The following NEDD9 variants were observed in gnomAD, a reference collection of about 807,000 sequenced individuals.
The protein encoded by NEDD9 is neural precursor cell expressed, developmentally down-regulated 9.
Under a neutral mutation model 76.6 loss-of-function variants are expected in NEDD9, and 26 were observed. The ratio of observed to expected loss-of-function variants is 0.34; its 90% CI spans 0.25 to 0.47. The LOEUF is 0.47. Among genes scored for constraint, NEDD9 ranks in the 20% least tolerant of loss-of-function variants. The probability of loss-of-function intolerance (pLI) is 1.00; values close to 1 mark genes in which losing one functional copy is unlikely to be tolerated. For synonymous variants in NEDD9, 392 were observed against 414.2 expected, an observed-to-expected ratio of 0.95 and a Z score of 0.65; for missense variants, 937 against 1,058.5, an observed-to-expected ratio of 0.89 and a Z score of 1.59.
chr6:11,301,341 A>G (rs1400858887), intron 3 of NEDD9, among the ~76,000 whole-genome samples: 1 of 152,230 alleles, frequency 6.6e-6, no homozygotes, highest in Admixed American at 6.5e-5. Context: ...TATGCACCCA[A>G]TACAGGAGCA....
intron 3 of NEDD9, among the ~76,000 whole-genome samples, chr6:11,276,933 C>T (rs1028721045): frequency 1.4e-5 from 2 of 146,060 alleles, no homozygotes; most frequent in Non-Finnish European, 3.0e-5. Context: ...TCTTTGGTTA[C>T]AGGATCTGGA....
intron 3 of NEDD9, among the ~76,000 whole-genome samples, chr6:11,280,069 C>A (rs1197758448): frequency 1.3e-5 from 2 of 152,146 alleles, no homozygotes; most frequent in South Asian, 4.1e-4. Context: ...CTGCCTTGTG[C>A]ATTATAGGAT....
At chr6:11,308,639 G>A (rs902685114) in intron 2 of NEDD9, among the ~76,000 whole-genome samples, 2 of 152,010 alleles carry the variant, frequency 1.3e-5, no homozygotes, top group African/African-American at 4.8e-5. Flanking sequence ...AAAGTGCTGG[G>A]ATTACAGGCG....
intron 1 of NEDD9, among the ~76,000 whole-genome samples, chr6:11,218,913 A>G (rs1759055719): frequency 6.6e-6 from 1 of 152,190 alleles, no homozygotes; most frequent in South Asian, 2.1e-4. Context: ...GCAACTACGG[A>G]GCAAACAGGA....
At chr6:11,308,450 A>G (rs1174436765) in intron 2 of NEDD9, among the ~76,000 whole-genome samples, 2 of 146,782 alleles carry the variant, frequency 1.4e-5, no homozygotes, top group Non-Finnish European at 3.0e-5. Context: ...GCTCACTGCA[A>G]GCTCCGCCTC....
intron 3 of NEDD9, among the ~76,000 whole-genome samples, chr6:11,238,535 C>A (rs1486326495): frequency 2.6e-5 from 4 of 152,212 alleles, no homozygotes; most frequent in African/African-American, 9.7e-5. Context: ...AATGCACACA[C>A]CCCTTACTCA....
chr6:11,362,178 C>G (rs1485364388), intron 1 of NEDD9, among the ~76,000 whole-genome samples: 2 of 152,230 alleles, frequency 1.3e-5, no homozygotes, highest in African/African-American at 4.8e-5. Context: ...AGAGAGCTCT[C>G]TACCTCTTTT....
At chr6:11,210,684 T>C (rs1324418484) in intron 2 of NEDD9, among the ~76,000 whole-genome samples, 1 of 139,064 alleles carries the variant, frequency 7.2e-6, no homozygotes, top group Non-Finnish European at 1.5e-5. Flanking sequence ...TAAAATCACC[T>C]CCTAGCAGCT....
chr6:11,375,847 C>T lies in NEDD9; in HGVS notation c.-214+6292G>A, dbSNP rs551013509. On this transcript the variant is annotated intron_variant, in intron 1 of 3. Transcript: ENST00000397378. ...TCTTTTTTCTTTCTTTTTTTTGAGA[C>T]GGAGTCTCACTCTATCACTCAGGCT... 2.1e-3 allele frequency among the ~76,000 whole-genome samples: 320 copies of T among 152,134 alleles called. 1 individual carries two copies. The highest frequency in any genetic ancestry group is 7.1e-3 in the African/African-American group (295 of 41,516).
At chr6:11,320,595 C>T (rs574670190) in intron 2 of NEDD9, among the ~76,000 whole-genome samples, 3 of 152,310 alleles carry the variant, frequency 2.0e-5, no homozygotes, top group Admixed American at 1.3e-4. Context: ...TGCAGGGCTA[C>T]GTGCTACAAC....
At position 11,201,167 on chromosome 6, in the gene NEDD9, G is replaced by T; in HGVS notation, c.460-7475C>A. The T allele has an allele frequency of 2.6e-6, 3 of 1,134,812 alleles. No homozygotes were observed. The South Asian group carries it at 3.9e-5, about 15-fold the overall frequency. The allele number at this position is 1,134,812 out of a possible 1,614,324, so 70.3% of individuals were successfully genotyped here. ...TGGGCATCCACTTCACCTCCTTAATGCAGAGCTGGCTAGGTGCCTGGGATG... is the reference window on the plus strand; with the variant it reads ...TGGGCATCCACTTCACCTCCTTAATTCAGAGCTGGCTAGGTGCCTGGGATG... On this transcript the variant is annotated intron_variant, in intron 2 of 6. Coordinates refer to ENST00000379446, the MANE Select transcript of NEDD9 (RefSeq NM_006403.4).
intron 3 of NEDD9, among the ~76,000 whole-genome samples, chr6:11,281,235 C>T (rs899434364): frequency 6.6e-6 from 1 of 152,350 alleles, no homozygotes; most frequent in East Asian, 1.9e-4. Flanking sequence ...CTGACTTCTT[C>T]CACCTTCCTC....
At chr6:11,281,685 T>C (rs1329545030) in intron 3 of NEDD9, among the ~76,000 whole-genome samples, 1 of 151,998 alleles carries the variant, frequency 6.6e-6, no homozygotes, top group Non-Finnish European at 1.5e-5. Context: ...GATGAAGAAA[T>C]CTTGGTCCTT....
intron 3 of NEDD9, among the ~76,000 whole-genome samples, chr6:11,253,280 A>T (rs1759944767): frequency 6.6e-6 from 1 of 152,238 alleles, no homozygotes; most frequent in Non-Finnish European, 1.5e-5. Flanking sequence ...GAAAAGATAT[A>T]ATGAAATCAG....
At chr6:11,232,700 C>A, upstream of NEDD9, 9 of 1,445,224 alleles carry the variant, frequency 6.2e-6, no homozygotes, top group East Asian at 2.5e-5. Flanking sequence ...GCAGGCTGAT[C>A]GCGGACCTCA....
intron 3 of NEDD9, among the ~76,000 whole-genome samples, chr6:11,255,646 A>G (rs974282308): frequency 6.6e-6 from 1 of 152,170 alleles, no homozygotes; most frequent in Non-Finnish European, 1.5e-5. Flanking sequence ...CTTGAGAGGC[A>G]GAAAATTCCT....
At chr6:11,366,448 G>T (rs1268185724) in intron 1 of NEDD9, among the ~76,000 whole-genome samples, 1 of 151,754 alleles carries the variant, frequency 6.6e-6, no homozygotes, top group Non-Finnish European at 1.5e-5. Context: ...AAAGAAAAAA[G>T]AAAGAAAGAG....
At chr6:11,236,244 C>T (rs1189944590), upstream of NEDD9, among the ~76,000 whole-genome samples, 3 of 152,212 alleles carry the variant, frequency 2.0e-5, no homozygotes, top group Non-Finnish European at 4.4e-5. The surrounding 1 kb of genome is among the most constrained non-coding windows in gnomAD (Gnocchi z 5.5). Context: ...TCCGGTTCCA[C>T]TTCCTGCACT....
At position 11,335,141 on chromosome 6, in the gene NEDD9, A is replaced by T. The variant is rs150237738; in HGVS notation, c.-213-580T>A. 3.8e-3 allele frequency among the ~76,000 whole-genome samples: 579 copies of T among 152,160 alleles called. 4 individuals carry two copies. The highest frequency in any genetic ancestry group is 0.013 in the African/African-American group (552 of 41,496). On this transcript the variant is annotated intron_variant, in intron 1 of 3. Coordinates refer to the NEDD9 transcript ENST00000397378. ...TGACTGAAAGTAAAAAAAAATCACC[A>T]TTTGGTGGTGTTGTCTTTTCTTATT...
Sources: gnomAD v4.1 joint callset for allele counts (sites outside exome capture counted in the v4.1 genomes callset) on GRCh38, gnomAD v4.1.1 for gene constraint, Gnocchi (gnomAD v3.1) non-coding constraint, MANE v1.5 for transcripts, NCBI Gene and HGNC (gene_info 2026-07-23, HGNC 2026-07-21) for gene names.